The following PTH2R variants were observed in gnomAD, a reference collection of about 807,000 sequenced individuals.
PTH2R encodes PTH2 receptor.
In PTH2R, 59 loss-of-function variants were observed where a neutral mutation model predicts 60.3. The observed-to-expected ratio is 0.98, with a 90% CI of 0.79 to 1.22. The LOEUF (loss-of-function observed/expected upper bound fraction) is 1.22. Among genes scored for constraint, PTH2R ranks in the 50% most tolerant of loss-of-function variants. The pLI, the probability that PTH2R is intolerant of heterozygous loss-of-function variation, is 0.00. For synonymous variants in PTH2R, 256 were observed against 243.8 expected (o/e 1.05, Z -0.47); for missense variants, 749 against 682.6 (o/e 1.10, Z -1.08).
intron 1 of PTH2R, among the ~76,000 whole-genome samples, chr2:208,380,456 A>G (rs1700890325): frequency 6.6e-6 from 1 of 152,130 alleles, no homozygotes; most frequent in East Asian, 1.9e-4. Context: ...AAAATACTCC[A>G]TATTTTATTG....
intron 1 of PTH2R, among the ~76,000 whole-genome samples, chr2:208,412,056 G>A (rs1270754951): frequency 2.0e-5 from 3 of 152,082 alleles, no homozygotes; most frequent in Non-Finnish European, 4.4e-5. Flanking sequence ...ATTTTGCGAG[G>A]CCATTTTCTC....
In PTH2R at chr2:208,435,709, C is replaced by CCAGAGCCTCCAGAGAGGCTCCAGACAGAG. The variant is rs1201635414; in HGVS notation, c.179-1827_179-1826insAGAGCCTCCAGAGAGGCTCCAGACAGAGC. Among the ~76,000 whole-genome samples the CCAGAGCCTCCAGAGAGGCTCCAGACAGAG allele has an allele frequency of 3.3e-5, 5 of 152,304 alleles. No individual in the cohort carries two copies. The East Asian group carries it at 7.7e-4, about 24-fold the overall frequency. On this transcript the variant is annotated intron_variant, in intron 2 of 12. Coordinates refer to ENST00000272847, the MANE Select transcript of PTH2R (RefSeq NM_005048.4). ...CACCCAAGTGAACAAGGAGACAGAT[C>CCAGAGCCTCCAGAGAGGCTCCAGACAGAG]CTCCCTCAGAGCCTCCAGAGAGGAA...
intron 1 of PTH2R, among the ~76,000 whole-genome samples, chr2:208,370,257 C>T (rs1301943932): frequency 4.0e-5 from 6 of 151,756 alleles, no homozygotes; most frequent in African/African-American, 1.5e-4. Flanking sequence ...TCCTAGCTAA[C>T]ATGGTGAAAC....
Position 208,493,430 on chromosome 2 carries a change from C to A in PTH2R, c.1424C>A (p.Ser475Tyr). ...VAASTRMVLI[S>Y]GKAAKIASRQ... ...GCCAGCACACGCATGGTGCTTATCTCTGGCAAAGCTGCCAAGATCGCCAGC... is the reference window on the plus strand; with the variant it reads ...GCCAGCACACGCATGGTGCTTATCTATGGCAAAGCTGCCAAGATCGCCAGC... Residue 475 changes from serine to tyrosine, a missense_variant, in exon 13 of 13, where the codon TCT becomes TAT. Physicochemically the swap from Ser to Tyr is moderately radical, Grantham distance 144 (BLOSUM62 -2). Transcript: ENST00000272847. The A allele has an allele frequency of 6.2e-7, 1 of 1,610,212 alleles. No homozygotes were observed.
chr2:208,365,960 ATTTTTTTTTTTTTTTTTT>A (rs1172950601), intron 1 of PTH2R, among the ~76,000 whole-genome samples: 2 of 16,114 alleles, frequency 1.2e-4, no homozygotes, highest in South Asian at 4.5e-3. Flanking sequence ...ATATATATAT[ATTTTTTTTTTTTTTTTTT>A]TTTTTTTTTT....
intron 1 of PTH2R, among the ~76,000 whole-genome samples, chr2:208,380,348 T>C (rs999512948): frequency 6.6e-6 from 1 of 152,102 alleles, no homozygotes; most frequent in East Asian, 1.9e-4. Flanking sequence ...AACAGTGATA[T>C]TTACAGTTTA....
chr2:208,398,990 T>C (rs912867896), intron 1 of PTH2R, among the ~76,000 whole-genome samples: 1 of 152,200 alleles, frequency 6.6e-6, no homozygotes, highest in African/African-American at 2.4e-5. Context: ...TTAGATTTAA[T>C]AGACAAGCTT....
chr2:208,366,749 A>G (rs1700601097), intron 1 of PTH2R, among the ~76,000 whole-genome samples: 1 of 152,214 alleles, frequency 6.6e-6, no homozygotes. Context: ...AAAGTTTAGC[A>G]TGAAGCTGCT....
At chr2:208,480,947 T>A (rs1703132700) in intron 9 of PTH2R, 123 bp from the exon 10 acceptor site, 7 of 655,956 alleles carry the variant, frequency 1.1e-5, no homozygotes, top group Non-Finnish European at 1.9e-5. Context: ...CAGGTTCCCC[T>A]GTTCACATTT....
chr2:208,444,750 C>T lies in PTH2R; in HGVS notation c.716C>T (p.Ala239Val). 1 of 1,613,422 alleles carries T rather than the reference C, an allele frequency of 6.2e-7. No individual in the cohort carries two copies. Among genetic ancestry groups the T allele is most frequent in the Non-Finnish European group, 8.5e-7 (1 of 1,179,698 alleles). ...TTGTAATAGATCGGGTGCAAGATTG[C>T]TGTTGTGATGTTTATTTACTTCCTG... ...DKSQYIGCKI[A>V]VVMFIYFLAT... The change falls in exon 7 of 13, where the codon GCT becomes GTT. Residue 239 changes from alanine to valine, a missense_variant. Physicochemically the swap from Ala to Val is moderately conservative, Grantham distance 64 (BLOSUM62 0). Transcript: ENST00000272847.
intron 9 of PTH2R, among the ~76,000 whole-genome samples, chr2:208,479,720 T>A (rs954822264): frequency 6.6e-6 from 1 of 152,146 alleles, no homozygotes; most frequent in Non-Finnish European, 1.5e-5. Flanking sequence ...ACAGAAGGTA[T>A]CAGATGGTGG....
intron 1 of PTH2R, among the ~76,000 whole-genome samples, chr2:208,368,039 G>A (rs969190832): frequency 6.6e-6 from 1 of 151,938 alleles, no homozygotes; most frequent in Admixed American, 6.6e-5. Context: ...ACAATTACGT[G>A]AATTTTTAGG....
intron 10 of PTH2R, among the ~76,000 whole-genome samples, chr2:208,487,646 G>A (rs944697414): frequency 2.0e-5 from 3 of 152,208 alleles, no homozygotes; most frequent in Non-Finnish European, 2.9e-5. Flanking sequence ...TGTAGGTCAG[G>A]AATCTGGGTA....
intron 1 of PTH2R, among the ~76,000 whole-genome samples, chr2:208,408,740 A>AGAAAGAGAGAGAGAGAGAGAGAG (rs1553542827): frequency 0.012 from 1,511 of 123,004 alleles, 37 homozygotes; most frequent in African/African-American, 0.032. Context: ...GAGAGAGAGA[A>AGAAAGAGAGAGAGAGAGAGAGAG]AGAGAGAGAG....
At position 208,372,635 on chromosome 2, in the gene PTH2R, C is replaced by T. The variant is rs1700722514; in HGVS notation, c.-259+12398C>T. ...GGTTGAATAAACTAGGGCATGTCAA[C>T]TAAAAAACATATTTGAAATGCAGGG... On this transcript the variant is annotated intron_variant, in intron 1 of 12. Transcript: ENST00000617735. 2.0e-5 allele frequency among the ~76,000 whole-genome samples: 3 copies of T among 151,890 alleles called. No homozygotes were observed. In the South Asian group the frequency reaches 6.2e-4, roughly 31 times the overall value.
rs559831414 is a variant in PTH2R, at chr2:208,398,108, T to C, written c.-258-30093T>C. 1.0e-3 allele frequency among the ~76,000 whole-genome samples: 159 copies of C among 152,338 alleles called. 1 individual carries two copies. Among genetic ancestry groups the C allele is most frequent in the African/African-American group, 3.7e-3 (154 of 41,574 alleles). ...AAATTAATTCATTGGGTCTTTGATA[T>C]TAATATTCTTTAAGCCACAGAAGTC... On this transcript the variant is annotated intron_variant, in intron 1 of 12. Coordinates refer to the PTH2R transcript ENST00000617735.
At chr2:208,367,558 T>C (rs746773694) in intron 1 of PTH2R, among the ~76,000 whole-genome samples, 7 of 151,244 alleles carry the variant, frequency 4.6e-5, no homozygotes, top group Non-Finnish European at 7.4e-5. Context: ...TTAGTAGAGA[T>C]GGGTTTTCAC....
Position 208,407,105 on chromosome 2 carries a change from T to G in PTH2R, c.62T>G (p.Leu21Arg). The change falls in exon 1 of 13, where the codon CTG (leucine) becomes CGG (arginine). Residue 21 changes from leucine (L) to arginine (R), a missense_variant. Leu to Arg is a moderately radical substitution (Grantham distance 102). Transcript: ENST00000272847. ...WGWLMLGSCL[L>R]ARAQLDSDGT... is the part of the protein sequence containing the mutation. ...TGGCTAATGCTCGGCAGCTGCCTCC[T>G]GGCCAGAGCCCAGGTAAGAGCCAGT... The G allele has an allele frequency of 7.2e-7, 1 of 1,395,322 alleles. No homozygotes were observed. The highest frequency in any genetic ancestry group is 9.4e-7 in the Non-Finnish European group (1 of 1,067,680). The allele number at this position is 1,395,322 out of a possible 1,614,324, so 86.4% of individuals were successfully genotyped here. A position where few individuals can be genotyped will look rare whatever the true frequency, so the allele number is the denominator to read the frequency against.
At chr2:208,384,083 G>A (rs1700963598) in intron 1 of PTH2R, among the ~76,000 whole-genome samples, 1 of 152,212 alleles carries the variant, frequency 6.6e-6, no homozygotes, top group Admixed American at 6.5e-5. Flanking sequence ...GTGAAAAACT[G>A]CTAAATACTG....
Sources: allele counts gnomAD v4.1 joint callset (sites outside exome capture counted in the v4.1 genomes callset), GRCh38; gene constraint gnomAD v4.1.1; transcripts MANE v1.5; gene names NCBI Gene and HGNC (gene_info 2026-07-23, HGNC 2026-07-21).